NUMA1: variants seen among roughly 807,000 people sequenced by gnomAD.
NUMA1 encodes the protein SP-H antigen.
In NUMA1, 62 loss-of-function variants were observed where a neutral mutation model predicts 237.1. That is an observed-to-expected ratio of 0.26 (90% confidence interval 0.21 to 0.32). The LOEUF is 0.32. Ranked by LOEUF, NUMA1 falls within the 10% of genes least tolerant of loss-of-function variation. NUMA1 has a pLI of 1.00. For missense variants in NUMA1, 2,533 were observed against 2,666.5 expected (o/e 0.95, Z 1.10); for synonymous variants, 1,028 against 1,066.1 (o/e 0.96, Z 0.70).
Position 72,007,274 on chromosome 11 carries a change from AG to A in NUMA1, c.5377del (p.Leu1793TrpfsTer27), listed in dbSNP as rs757250713. On this transcript the variant is annotated frameshift_variant, in exon 21 of 27. Transcript: ENST00000393695. LOFTEE classifies it high-confidence loss of function. Reference protein sequence around the residue: ...QAPLESSLDSLGDVFLDSGRK... With the variant: ...QAPLESSLDSXGDVFLDSGRK... ...ACCCGAGTCCAGGAAGACGTCTCCC[AG>A]GGAGTCCAGGCTGCTCTCCAGGGGG... The A allele has an allele frequency of 6.2e-7, 1 of 1,613,250 alleles. No homozygotes were observed.
chr11:72,065,418 G>T (rs1277030831), intron 2 of NUMA1: 1 of 151,882 alleles, frequency 6.6e-6, no homozygotes, highest in African/African-American at 2.4e-5. Flanking sequence ...TATTTATGAA[G>T]AGTATATATA....
intron 16 of NUMA1, 22 bp from the exon 17 acceptor site, chr11:72,010,876 A>G: frequency 6.2e-7 from 1 of 1,610,206 alleles, no homozygotes; most frequent in Non-Finnish European, 8.5e-7. Flanking sequence ...AGAGGAGGAC[A>G]GAAGACTCAG....
chr11:72,040,829 C>T (rs1389506382), intron 2 of NUMA1: 1 of 152,130 alleles, frequency 6.6e-6, no homozygotes, highest in Non-Finnish European at 1.5e-5. Flanking sequence ...CTCTTCTCTC[C>T]CTCCCCTTTA....
intron 4 of NUMA1, among the ~76,000 whole-genome samples, chr11:72,027,684 T>A (rs958892237): frequency 5.9e-5 from 9 of 152,152 alleles, no homozygotes; most frequent in Non-Finnish European, 1.0e-4. Context: ...CTATTAGAAA[T>A]GAATATTCAC....
intron 4 of NUMA1, chr11:72,024,625 G>C (rs554103994): frequency 2.2e-6 from 1 of 458,070 alleles, no homozygotes; most frequent in South Asian, 2.2e-5. Flanking sequence ...AAAAAGCTCT[G>C]TGGAAAGGGG....
intron 2 of NUMA1, among the ~76,000 whole-genome samples, 186 bp from the exon 3 acceptor site, chr11:72,036,161 G>A (rs1386875773): frequency 2.0e-5 from 3 of 152,126 alleles, no homozygotes; most frequent in Non-Finnish European, 4.4e-5. Flanking sequence ...GCTTACATCA[G>A]AGACGACAGG....
chr11:72,022,531 C>G, intron 6 of NUMA1, 112 bp from the exon 7 acceptor site: 1 of 682,730 alleles, frequency 1.5e-6, no homozygotes, highest in South Asian at 1.8e-5. Context: ...TCTAAAAGTC[C>G]TGGAATTCAG....
chr11:72,050,637 G>GT (rs1252586743), intron 2 of NUMA1: 1 of 152,130 alleles, frequency 6.6e-6, no homozygotes, highest in Non-Finnish European at 1.5e-5. Flanking sequence ...AATTAGGAAC[G>GT]TAAGGCTCAG....
In NUMA1 at chr11:72,006,030, C is replaced by A. The variant is rs371152556; in HGVS notation, c.5692+5G>T. 44 of 1,607,352 alleles carry A rather than the reference C, an allele frequency of 2.7e-5. No individual in the cohort carries two copies. The African/African-American group carries it at 4.8e-4, about 18-fold the overall frequency. On this transcript the variant is annotated splice_donor_5th_base_variant and intron_variant, in intron 22 of 26. Coordinates refer to ENST00000393695, the MANE Select transcript of NUMA1 (RefSeq NM_006185.4). Reference sequence around the variant, plus strand: ...GGGTATAGTAAGTCCCTGTAGTCCCCTCACCTGGAGGGGCCCCACTGGACA... The same window carrying A: ...GGGTATAGTAAGTCCCTGTAGTCCCATCACCTGGAGGGGCCCCACTGGACA...
chr11:72,075,495 A>G (rs1009212489), intron 1 of NUMA1, among the ~76,000 whole-genome samples: 11 of 152,228 alleles, frequency 7.2e-5, no homozygotes, highest in African/African-American at 2.7e-4. Context: ...GGTTCCTCCT[A>G]TAAGGGCCTG....
chr11:72,079,151 C>T (rs969365296), intron 1 of NUMA1, among the ~76,000 whole-genome samples: 3 of 152,180 alleles, frequency 2.0e-5, no homozygotes, highest in African/African-American at 7.2e-5. Flanking sequence ...ACATTTATTC[C>T]CATTACATGT....
intron 13 of NUMA1, chr11:72,017,439 T>C (rs1257714919): frequency 5.6e-6 from 3 of 537,454 alleles, no homozygotes; most frequent in Non-Finnish European, 1.0e-5. Flanking sequence ...GATCCACATC[T>C]TGTGAACAGC....
At chr11:72,072,312 A>C (rs1269993215) in intron 1 of NUMA1, 3 of 154,696 alleles carry the variant, frequency 1.9e-5, no homozygotes, top group African/African-American at 7.2e-5. Flanking sequence ...GGTACCAAAA[A>C]TTTGACAATC....
At chr11:72,050,578 T>C (rs972427544) in intron 2 of NUMA1, 5 of 152,332 alleles carry the variant, frequency 3.3e-5, no homozygotes, top group African/African-American at 9.6e-5. Context: ...ACATCTCAAT[T>C]AATCTTCCCA....
At chr11:72,026,304 C>T (rs536003682) in intron 4 of NUMA1, among the ~76,000 whole-genome samples, 6 of 152,244 alleles carry the variant, frequency 3.9e-5, no homozygotes, top group Non-Finnish European at 7.3e-5. Context: ...TTTACAACTG[C>T]CCACTCCAAC....
rs901821574 is a variant in NUMA1, at chr11:72,024,430, C to T, written c.129-77G>A. The stretch of plus-strand genomic sequence containing the variant: ...TTGCTGCTGCATTTCATAGTACCTC[C>T]CCATTCCTTCCAGTCTTGATCTCTG... On this transcript the variant is annotated intron_variant, in intron 4 of 26. Transcript: ENST00000393695. 4 of 1,242,918 alleles carry T rather than the reference C, an allele frequency of 3.2e-6. No individual in the cohort carries two copies. The African/African-American group carries it at 4.4e-5, about 14-fold the overall frequency. The allele number at this position is 1,242,918 out of a possible 1,614,324, so 77.0% of individuals were successfully genotyped here. A position where few individuals can be genotyped will look rare whatever the true frequency, so the allele number is the denominator to read the frequency against.
chr11:72,031,988 A>AAG (rs1243055239), intron 3 of NUMA1, among the ~76,000 whole-genome samples: 15 of 34,452 alleles, frequency 4.4e-4, no homozygotes, highest in African/African-American at 8.5e-4. Context: ...AAAAAAAAAA[A>AAG]AGAGAGAGAA....
chr11:72,049,877 C>T (rs1341520857), intron 2 of NUMA1, among the ~76,000 whole-genome samples: 1 of 151,608 alleles, frequency 6.6e-6, no homozygotes, highest in African/African-American at 2.4e-5. Context: ...TGATTCTTTC[C>T]ACAGGATACC....
chr11:72,026,642 A>AT (rs567348057), intron 4 of NUMA1, among the ~76,000 whole-genome samples: 12 of 150,538 alleles, frequency 8.0e-5, no homozygotes, highest in African/African-American at 1.5e-4. Context: ...CCCACAGCTT[A>AT]TTTTTTTTTT....
Sources: allele counts gnomAD v4.1 joint callset (sites outside exome capture counted in the v4.1 genomes callset), GRCh38; gene constraint gnomAD v4.1.1; transcripts MANE v1.5; gene names NCBI Gene and HGNC (gene_info 2026-07-23, HGNC 2026-07-21).